Variants in CDC40 observed in about 807,000 individuals in gnomAD.
CDC40 encodes the protein cell division cycle 40.
Under a neutral mutation model 80.6 loss-of-function variants are expected in CDC40, and 27 were observed. The ratio of observed to expected loss-of-function variants is 0.33; its 90% CI spans 0.25 to 0.46. The LOEUF is 0.46. Ranked by LOEUF, CDC40 falls within the 20% of genes least tolerant of loss-of-function variation. The probability of loss-of-function intolerance (pLI) is 1.00; values close to 1 mark genes in which losing one functional copy is unlikely to be tolerated. For synonymous variants in CDC40, 221 were observed against 232.6 expected, an observed-to-expected ratio of 0.95 and a Z score of 0.45; for missense variants, 486 against 694.1, an observed-to-expected ratio of 0.70 and a Z score of 3.37.
intron 2 of CDC40, among the ~76,000 whole-genome samples, chr6:110,197,479 A>G (rs1445898032): frequency 6.6e-6 from 1 of 152,138 alleles, no homozygotes; most frequent in Non-Finnish European, 1.5e-5. Context: ...TCAAGAATAC[A>G]TTGTTATTAA....
intron 8 of CDC40, among the ~76,000 whole-genome samples, 173 bp downstream of exon 8, chr6:110,213,333 G>A (rs567484526): frequency 6.6e-6 from 1 of 151,986 alleles, no homozygotes; most frequent in Admixed American, 6.6e-5. Flanking sequence ...AATCAACTAT[G>A]GCTCTGTGGT....
chr6:110,198,974 G>T (rs1777454783), intron 2 of CDC40: 2 of 152,120 alleles, frequency 1.3e-5, no homozygotes, highest in Admixed American at 1.3e-4. Flanking sequence ...GAGTAATTGG[G>T]AAGAGCTGAG....
At chr6:110,227,991 T>C (rs1299066005) in intron 13 of CDC40, among the ~76,000 whole-genome samples, 3 of 152,314 alleles carry the variant, frequency 2.0e-5, no homozygotes, top group African/African-American at 7.2e-5. Flanking sequence ...TAGGTGATTT[T>C]GTCATTTTGT....
rs1291302418 is a variant in CDC40 at position 110,230,881 on chromosome 6, A to G, written c.*750A>G. Reference sequence around the variant, plus strand: ...AATTGTATTTACATTCACTGTCAGTAAAGACCTGGCTACGCTTTGAGAAAT... The same window carrying G: ...AATTGTATTTACATTCACTGTCAGTGAAGACCTGGCTACGCTTTGAGAAAT... On this transcript the variant is annotated 3_prime_UTR_variant, in exon 15 of 15. Coordinates refer to ENST00000307731, the MANE Select transcript of CDC40 (RefSeq NM_015891.3). 6.6e-6 allele frequency: 1 copy of G among 152,262 alleles called. No homozygotes were observed. Among genetic ancestry groups the G allele is most frequent in the African/African-American group, 2.4e-5 (1 of 41,464 alleles). 9.4% of individuals were successfully genotyped at this position (152,262 alleles called of 1,614,324 possible).
At chr6:110,198,723 T>G (rs1437439025) in intron 2 of CDC40, among the ~76,000 whole-genome samples, 1 of 152,234 alleles carries the variant, frequency 6.6e-6, no homozygotes, top group African/African-American at 2.4e-5. Context: ...AATTGTTAAA[T>G]ACGCATATGA....
chr6:110,192,108 GGTTTAGA>G (rs1453577632), intron 1 of CDC40, among the ~76,000 whole-genome samples: 2 of 152,086 alleles, frequency 1.3e-5, no homozygotes, highest in African/African-American at 4.8e-5. Context: ...GTTACTGGGG[GGTTTAGA>G]GCATAGGAGT....
intron 2 of CDC40, 112 bp from the exon 3 acceptor site, chr6:110,201,446 A>C: frequency 1.4e-6 from 1 of 692,408 alleles, no homozygotes; most frequent in Non-Finnish European, 2.3e-6. Context: ...GTTCCCAGAT[A>C]GGTTAATAGG....
chr6:110,218,754 G>C (rs539396807), intron 10 of CDC40, among the ~76,000 whole-genome samples: 6 of 151,824 alleles, frequency 4.0e-5, no homozygotes, highest in African/African-American at 1.4e-4. Context: ...CTATTTTGCA[G>C]ATTCTTTTAA....
intron 3 of CDC40, 123 bp from the exon 4 acceptor site, chr6:110,207,383 T>G: frequency 6.8e-6 from 4 of 587,936 alleles, no homozygotes; most frequent in African/African-American, 3.8e-5. Context: ...TGATTGGTCC[T>G]GAGTTAGAGA....
At chr6:110,210,897 C>A in intron 6 of CDC40, 94 bp downstream of exon 6, 1 of 487,548 alleles carries the variant, frequency 2.1e-6, no homozygotes, top group South Asian at 5.1e-5. Flanking sequence ...TTACTATCAG[C>A]TGTAATAAAA....
At chr6:110,207,700 TA>T (rs1198834904) in intron 4 of CDC40, 111 bp downstream of exon 4, 3 of 634,840 alleles carry the variant, frequency 4.7e-6, no homozygotes, top group African/African-American at 1.8e-5. Flanking sequence ...CTTTTTTTTT[TA>T]AAGTTGAAAC....
intron 1 of CDC40, among the ~76,000 whole-genome samples, chr6:110,183,811 T>C (rs1014755940): frequency 6.6e-6 from 1 of 152,188 alleles, no homozygotes; most frequent in Non-Finnish European, 1.5e-5. Context: ...CAGTTGAGTA[T>C]CTTTTAATAT....
chr6:110,206,938 C>G (rs1297639980), intron 3 of CDC40, among the ~76,000 whole-genome samples: 1 of 152,148 alleles, frequency 6.6e-6, no homozygotes, highest in East Asian at 1.9e-4. Flanking sequence ...CAAAATTCAT[C>G]CTATAAGAAA....
At chr6:110,217,142 T>C (rs1386067482) in intron 9 of CDC40, among the ~76,000 whole-genome samples, 1 of 152,192 alleles carries the variant, frequency 6.6e-6, no homozygotes, top group Non-Finnish European at 1.5e-5. Flanking sequence ...GCTAATATAG[T>C]TTTCAGAAAG....
At chr6:110,223,672 G>A (rs1169028666) in intron 12 of CDC40, among the ~76,000 whole-genome samples, 1 of 152,096 alleles carries the variant, frequency 6.6e-6, no homozygotes, top group Non-Finnish European at 1.5e-5. Context: ...TTTATACTTT[G>A]TACCTGCTTA....
At chr6:110,226,817 G>C (rs902932203) in intron 13 of CDC40, among the ~76,000 whole-genome samples, 5 of 152,074 alleles carry the variant, frequency 3.3e-5, no homozygotes, top group African/African-American at 1.2e-4. Context: ...AAGAGTTTGA[G>C]ACTAGCCTGG....
chr6:110,220,514 A>G (rs111399956), intron 12 of CDC40, among the ~76,000 whole-genome samples: 10,318 of 135,832 alleles, frequency 0.076, 436 homozygotes, highest in African/African-American at 0.13. Flanking sequence ...GCGCAATCTC[A>G]GCTCACTGCA....
rs776696454 is a variant in CDC40 at position 110,228,965 on chromosome 6, A to C, written c.1551A>C (p.Ser517=). 1.9e-6 allele frequency: 3 copies of C among 1,602,138 alleles called. No homozygotes were observed. Among genetic ancestry groups the C allele is most frequent in the African/African-American group, 2.7e-5 (2 of 74,202 alleles). ...GCTATGCTTGTCAGGTGGACTTTTC[A>C]CCAGACATGAGGTAAGTTTAAATCT... The part of the protein sequence containing the change: ...VAGYACQVDF[S]PDMSYVISGD... The change falls in exon 14 of 15, where the codon TCA becomes TCC. Residue 517 remains serine, a synonymous_variant. Transcript: ENST00000307731.
intron 4 of CDC40, 131 bp downstream of exon 4, chr6:110,207,720 G>A (rs553861120): frequency 7.8e-5 from 46 of 589,648 alleles, no homozygotes; most frequent in Non-Finnish European, 1.1e-4. Flanking sequence ...ACAATGGAGC[G>A]ATACAGTTTA....
Sources: allele counts gnomAD v4.1 joint callset (sites outside exome capture counted in the v4.1 genomes callset), GRCh38; gene constraint gnomAD v4.1.1; transcripts MANE v1.5; gene names NCBI Gene and HGNC (gene_info 2026-07-23, HGNC 2026-07-21).